Variants in CEP350 observed in about 807,000 individuals in gnomAD.
CEP350 encodes the protein centrosomal protein 350, also known as centrosome-associated protein 350.
In CEP350, 126 loss-of-function variants were observed where a neutral mutation model predicts 331.8. The ratio of observed to expected loss-of-function variants is 0.38; its 90% confidence interval spans 0.33 to 0.44. The LOEUF is 0.44. Among genes scored for constraint, CEP350 ranks in the 20% least tolerant of loss-of-function variants. CEP350 has a pLI of 1.00. For synonymous variants in CEP350, 1,200 were observed against 1,259.5 expected (o/e 0.95, Z 1.00); for missense variants, 3,406 against 3,634.6 (o/e 0.94, Z 1.62).
Position 180,095,633 on chromosome 1 carries a change from T to G in CEP350, c.8622T>G (p.Phe2874Leu). 1 of 1,613,880 alleles carries G rather than the reference T, an allele frequency of 6.2e-7. No homozygotes were observed. Among genetic ancestry groups the G allele is most frequent in the Non-Finnish European group, 8.5e-7 (1 of 1,179,874 alleles). Reference protein sequence around the residue: ...LSALGDDQDWFDEDFGLSSSH... With the variant: ...LSALGDDQDWLDEDFGLSSSH... ...CGTTAGGAGATGATCAAGACTGGTT[T>G]GATGAAGACTTTGGTTTGAGCTCTT... Residue 2874 changes from phenylalanine to leucine, a missense_variant, in exon 35 of 38, where the codon TTT (phenylalanine) becomes TTG (leucine). Coordinates refer to ENST00000367607, the MANE Select transcript of CEP350 (RefSeq NM_014810.5).
At chr1:180,028,588 A>G (rs556039575) in intron 14 of CEP350, among the ~76,000 whole-genome samples, 3 of 152,028 alleles carry the variant, frequency 2.0e-5, no homozygotes, top group Non-Finnish European at 4.4e-5. Flanking sequence ...CAGGAGTTCA[A>G]ACTCCTGGAG....
Position 180,113,288 on chromosome 1 carries a change from G to A in CEP350, c.*2127G>A, listed in dbSNP as rs1661540885. ...AATTTCAAAATGTTATAATGGGACTGTAGGTTGTTTTTCTACATCTTCATT... is the reference window on the plus strand; with the variant it reads ...AATTTCAAAATGTTATAATGGGACTATAGGTTGTTTTTCTACATCTTCATT... On this transcript the variant is annotated 3_prime_UTR_variant, in exon 38 of 38. Transcript: ENST00000367607. The A allele has an allele frequency of 6.6e-6, 1 of 152,004 alleles. No individual in the cohort carries two copies. The highest frequency in any genetic ancestry group is 1.5e-5 in the Non-Finnish European group (1 of 68,002). 9.4% of individuals were successfully genotyped at this position (152,004 alleles called of 1,614,324 possible). A position where few individuals can be genotyped will look rare whatever the true frequency, so the allele number is the denominator to read the frequency against.
chr1:179,970,949 A>ATTTTCTTTTTTTTTTTTTTTTTTTTTTT, intron 1 of CEP350, among the ~76,000 whole-genome samples: 1 of 151,702 alleles, frequency 6.6e-6, no homozygotes, highest in South Asian at 2.1e-4. Context: ...TGTATTTGAA[A>ATTTTCTTTTTTTTTTTTTTTTTTTTTTT]TTTTCAGTGT....
chr1:180,060,832 A>G (rs1046925252), intron 25 of CEP350, among the ~76,000 whole-genome samples: 1 of 152,198 alleles, frequency 6.6e-6, no homozygotes, highest in African/African-American at 2.4e-5. Context: ...TTTTAAACAT[A>G]CAAACCAAAT....
chr1:180,091,995 G>A (rs1257210473), intron 33 of CEP350, among the ~76,000 whole-genome samples: 6 of 151,126 alleles, frequency 4.0e-5, no homozygotes, highest in South Asian at 4.2e-4. Flanking sequence ...GCAACAGGGA[G>A]CTGTGACCAC....
intron 13 of CEP350, 116 bp downstream of exon 13, chr1:180,022,964 G>C (rs1413271765): frequency 2.1e-5 from 19 of 913,956 alleles, no homozygotes. Flanking sequence ...TATAGAGGCT[G>C]CACATCATAG....
intron 29 of CEP350, 164 bp from the exon 30 acceptor site, chr1:180,080,353 G>C (rs967874234): frequency 9.2e-6 from 2 of 217,898 alleles, no homozygotes; most frequent in African/African-American, 4.7e-5. Flanking sequence ...TTAAAAATCA[G>C]CTTTCCCAGG....
At chr1:179,987,534 ATATAT>A (rs1230496894) in intron 3 of CEP350, among the ~76,000 whole-genome samples, 8 of 148,390 alleles carry the variant, frequency 5.4e-5, no homozygotes, top group East Asian at 1.9e-4. Context: ...ATAATATATA[ATATAT>A]TATAAAATGA....
chr1:179,960,731 T>C lies in CEP350; in HGVS notation c.-14+5589T>C, dbSNP rs76864692. On this transcript the variant is annotated intron_variant, in intron 1 of 37. Transcript: ENST00000367607. The stretch of plus-strand genomic sequence containing the variant: ...TTTCAAGATTTGAGAACTTGTGTAA[T>C]ATCTAGTAGGTACACACATCCTATT... 4.3e-3 allele frequency among the ~76,000 whole-genome samples: 657 copies of C among 152,316 alleles called. 4 individuals carry two copies. The highest frequency in any genetic ancestry group is 0.015 in the African/African-American group (641 of 41,570).
intron 12 of CEP350, among the ~76,000 whole-genome samples, chr1:180,021,980 A>G (rs902949820): frequency 1.4e-4 from 22 of 152,126 alleles, no homozygotes; most frequent in Admixed American, 3.3e-4. Flanking sequence ...GAATCTGCCC[A>G]TTTTATACTA....
chr1:180,082,470 A>G (rs1164935209), intron 30 of CEP350, among the ~76,000 whole-genome samples: 1 of 152,114 alleles, frequency 6.6e-6, no homozygotes. Context: ...GCATGCTGCC[A>G]CACCTGGCTA....
chr1:180,103,826 G>A (rs954835479), intron 37 of CEP350, among the ~76,000 whole-genome samples: 16 of 151,454 alleles, frequency 1.1e-4, no homozygotes, highest in African/African-American at 3.1e-4. Flanking sequence ...TAGTCATAGC[G>A]CTTGCCCCTC....
intron 27 of CEP350, chr1:180,073,970 T>C (rs1659054619): frequency 1.6e-6 from 2 of 1,272,762 alleles, no homozygotes; most frequent in Non-Finnish European, 2.1e-6. Context: ...TTTTGTTTGT[T>C]TTGTTTGCTT....
intron 37 of CEP350, among the ~76,000 whole-genome samples, chr1:180,099,401 T>A (rs183242192): frequency 1.6e-4 from 25 of 152,198 alleles, no homozygotes; most frequent in Non-Finnish European, 3.1e-4. Context: ...GAAAATTAAA[T>A]AAGTATATGT....
At chr1:180,060,368 G>A (rs1658119183) in intron 25 of CEP350, among the ~76,000 whole-genome samples, 1 of 152,144 alleles carries the variant, frequency 6.6e-6, no homozygotes, top group Non-Finnish European at 1.5e-5. Flanking sequence ...CACCATATGG[G>A]GTGGGCACAG....
intron 14 of CEP350, among the ~76,000 whole-genome samples, chr1:180,030,281 G>A (rs1320812489): frequency 6.4e-5 from 9 of 141,564 alleles, no homozygotes; most frequent in Non-Finnish European, 1.2e-4. Context: ...AAATTTTAAC[G>A]TATATATACA....
chr1:180,109,248 T>A (rs542975671), intron 37 of CEP350, among the ~76,000 whole-genome samples: 30 of 150,956 alleles, frequency 2.0e-4, no homozygotes, highest in Non-Finnish European at 3.5e-4. Context: ...CCTCTCTGAG[T>A]AGCTGCGATT....
At position 179,995,498 on chromosome 1, in the gene CEP350, G is replaced by T. The variant is rs561373080; in HGVS notation, c.396-1055G>T. Reference sequence around the variant, plus strand: ...CACACACCTGTAATCCCAGCTACTCGGGAGGCTGAGGCAGGAGAATCGCTT... The same window carrying T: ...CACACACCTGTAATCCCAGCTACTCTGGAGGCTGAGGCAGGAGAATCGCTT... On this transcript the variant is annotated intron_variant, in intron 5 of 37. Transcript: ENST00000367607. Among the ~76,000 whole-genome samples, 11 of 152,236 alleles carry T rather than the reference G, an allele frequency of 7.2e-5. No homozygotes were observed. The East Asian group carries it at 2.1e-3, about 29-fold the overall frequency.
intron 17 of CEP350, among the ~76,000 whole-genome samples, chr1:180,039,444 A>G (rs1429327747): frequency 6.6e-6 from 1 of 152,070 alleles, no homozygotes; most frequent in Admixed American, 6.6e-5. Context: ...TTCTCAAGTT[A>G]ATTTTTGGAT....
Sources: allele counts gnomAD v4.1 joint callset (sites outside exome capture counted in the v4.1 genomes callset), GRCh38; gene constraint gnomAD v4.1.1; transcripts MANE v1.5; gene names NCBI Gene and HGNC (gene_info 2026-07-23, HGNC 2026-07-21).